Variants in SYTL2 observed in about 807,000 individuals in gnomAD.
SYTL2 encodes the protein synaptotagmin-like protein 2.
Under a neutral mutation model 198.7 loss-of-function variants are expected in SYTL2, and 165 were observed. The ratio of observed to expected loss-of-function variants is 0.83; its 90% confidence interval spans 0.73 to 0.94. The LOEUF (loss-of-function observed/expected upper bound fraction) is 0.94. Among genes scored for constraint, SYTL2 ranks in the 40% least tolerant of loss-of-function variants. SYTL2 has a pLI of 0.00. For synonymous variants in SYTL2, 966 were observed against 917.7 expected (o/e 1.05, Z -0.95); for missense variants, 2,835 against 2,582.8 (o/e 1.10, Z -2.12).
chr11:85,700,587 G>GTGC lies in SYTL2; in HGVS notation c.6193_6195dup (p.Ala2065dup). ...CTGTTTTCTGCTTCAAGGGCAACTGGTGCTGTCTGAAAAGTGAAGAAATGT... is the reference window on the plus strand; with the variant it reads ...CTGTTTTCTGCTTCAAGGGCAACTGGTGCTGCTGTCTGAAAAGTGAAGAAATGT... On this transcript the variant is annotated inframe_insertion, in exon 17 of 20. Coordinates refer to ENST00000359152, the MANE Select transcript of SYTL2 (RefSeq NM_206927.4). 1.2e-6 allele frequency: 2 copies of GTGC among 1,613,828 alleles called. No individual in the cohort carries two copies. The highest frequency in any genetic ancestry group is 1.7e-6 in the Non-Finnish European group (2 of 1,179,744).
rs776360062 is a variant in SYTL2 at position 85,727,278 on chromosome 11, C to T, written c.2080G>A (p.Gly694Ser). The change falls in exon 8 of 20, where the codon GGT becomes AGT. Residue 694 changes from glycine (G) to serine (S), a missense_variant. Gly to Ser is a moderately conservative substitution (Grantham distance 56). This residue lies in a region of SYTL2 where 2,645 missense variants were observed against 2,381.7 expected (regional missense o/e 1.11). Transcript: ENST00000359152. Reference sequence around the variant, plus strand: ...GCATGAAACTTGGGTTCTTCTTCACCCAAGTTGCCAATATTATTAGTGTTG... The same window carrying T: ...GCATGAAACTTGGGTTCTTCTTCACTCAAGTTGCCAATATTATTAGTGTTG... ...PCNTNNIGNL[G>S]EEEPKFHAHE... 93 of 1,534,974 alleles carry T rather than the reference C, an allele frequency of 6.1e-5. No homozygotes were observed. The South Asian group carries it at 1.1e-3, about 18-fold the overall frequency.
chr11:85,778,494 C>A lies in SYTL2; in HGVS notation c.-389-20380G>T, dbSNP rs903586119. 3.3e-5 allele frequency among the ~76,000 whole-genome samples: 5 copies of A among 152,290 alleles called. No individual in the cohort carries two copies. In the South Asian group the frequency reaches 6.2e-4, roughly 19 times the overall value. On this transcript the variant is annotated intron_variant, in intron 1 of 19. Coordinates refer to ENST00000359152, the MANE Select transcript of SYTL2 (RefSeq NM_206927.4). ...CAGTGACCAAAGAGAAGCAGAGCTC[C>A]CAAGTTAGAAAGCAGAACCAGTTCT... is the stretch of plus-strand genomic sequence containing the variant.
At chr11:85,770,403 T>C (rs2092331092) in intron 1 of SYTL2, among the ~76,000 whole-genome samples, 1 of 152,196 alleles carries the variant, frequency 6.6e-6, no homozygotes. Flanking sequence ...CCCTCATTTC[T>C]GTCTACCATA....
At chr11:85,720,780 C>CA (rs2088178150) in intron 9 of SYTL2, 78 bp downstream of exon 9, 1 of 988,178 alleles carries the variant, frequency 1.0e-6, no homozygotes, top group African/African-American at 1.6e-5. Context: ...CAACAGCACG[C>CA]AGTGAGGCTA....
the SYTL2 span, among the ~76,000 whole-genome samples, chr11:85,851,393 C>G: frequency 6.6e-6 from 1 of 152,310 alleles, no homozygotes; most frequent in Admixed American, 6.5e-5. Context: ...CGGGTCTTTA[C>G]AAATTATTGT....
chr11:85,771,735 C>G (rs535012708), intron 1 of SYTL2, among the ~76,000 whole-genome samples: 3 of 152,298 alleles, frequency 2.0e-5, no homozygotes, highest in African/African-American at 7.2e-5. Flanking sequence ...TACCCACTTA[C>G]TAGCTTGGTG....
rs1248725874 is a variant in SYTL2 at position 85,707,426 on chromosome 11, T to C, written c.6018+3A>G. The C allele has an allele frequency of 6.2e-7, 1 of 1,603,512 alleles. No individual in the cohort carries two copies. The highest frequency in any genetic ancestry group is 8.5e-7 in the Non-Finnish European group (1 of 1,170,652). On this transcript the variant is annotated splice_donor_region_variant and intron_variant, in intron 15 of 19. Transcript: ENST00000359152. Reference sequence around the variant, plus strand: ...TTTTCCTATAGAGAGAGTTCATAGATACCCGCAGTATTTCGTTATACACAG... The same window carrying C: ...TTTTCCTATAGAGAGAGTTCATAGACACCCGCAGTATTTCGTTATACACAG...
intron 1 of SYTL2, among the ~76,000 whole-genome samples, chr11:85,799,662 G>C (rs2092855492): frequency 6.6e-6 from 1 of 152,104 alleles, no homozygotes; most frequent in South Asian, 2.1e-4. Context: ...TTGACCTTCT[G>C]ATTCTTATTC....
chr11:85,843,444 G>A, the SYTL2 span, among the ~76,000 whole-genome samples: 2 of 152,254 alleles, frequency 1.3e-5, no homozygotes, highest in South Asian at 4.2e-4. Context: ...AGTGGAGGCT[G>A]GTGTCATTTA....
At chr11:85,829,412 A>G in the SYTL2 span, among the ~76,000 whole-genome samples, 1 of 152,158 alleles carries the variant, frequency 6.6e-6, no homozygotes, top group African/African-American at 2.4e-5. Context: ...GTAGTATTCC[A>G]TGGTGTATAT....
At chr11:85,788,325 G>A (rs139401508) in intron 1 of SYTL2, among the ~76,000 whole-genome samples, 139 of 152,194 alleles carry the variant, frequency 9.1e-4, no homozygotes, top group Non-Finnish European at 1.6e-3. Flanking sequence ...TTCAGTCTTC[G>A]CAACAAGTTT....
chr11:85,705,146 G>C, intron 15 of SYTL2, 118 bp from the exon 16 acceptor site: 2 of 673,252 alleles, frequency 3.0e-6, no homozygotes, highest in African/African-American at 3.6e-5. Flanking sequence ...GTTAGGTTTC[G>C]AGTCCCAAAA....
In SYTL2 at chr11:85,725,697, T is replaced by C. The variant is rs757870429; in HGVS notation, c.3661A>G (p.Thr1221Ala). 6.2e-7 allele frequency: 1 copy of C among 1,614,098 alleles called. No homozygotes were observed. The highest frequency in any genetic ancestry group is 8.5e-7 in the Non-Finnish European group (1 of 1,180,000). ...TGCAAGGGAGAGGGTGAAGTTCCAG[T>C]TGCTTCCTTCAGGAGTTTGTCTAGA... ...ASLDKLLKEA[T>A]GTSPSPLQAK... The change falls in exon 8 of 20, where the codon ACT (threonine) becomes GCT (alanine). Residue 1221 changes from threonine (T) to alanine (A), a missense_variant. Transcript: ENST00000359152.
chr11:85,711,280 C>A, intron 12 of SYTL2, 48 bp from the exon 13 acceptor site: 1 of 1,589,364 alleles, frequency 6.3e-7, no homozygotes, highest in South Asian at 1.1e-5. Flanking sequence ...CAGAATGAGT[C>A]AAGATCAGAA....
In SYTL2 at chr11:85,707,542, G is replaced by T. The variant is rs535220094; in HGVS notation, c.5916-11C>A. 3.4e-6 allele frequency: 5 copies of T among 1,475,266 alleles called. No homozygotes were observed. The South Asian group carries it at 5.8e-5, about 17-fold the overall frequency. The allele number at this position is 1,475,266 out of a possible 1,614,324, so 91.4% of individuals were successfully genotyped here. The stretch of plus-strand genomic sequence containing the variant: ...TAGGCCTTTACATATCTGAAAAGGA[G>T]AATTGAACAGACAAAGTCAAAGAAA... On this transcript the variant is annotated splice_polypyrimidine_tract_variant and intron_variant, in intron 14 of 19. Coordinates refer to ENST00000359152, the MANE Select transcript of SYTL2 (RefSeq NM_206927.4).
intron 7 of SYTL2, among the ~76,000 whole-genome samples, chr11:85,729,833 AATAG>A (rs202145490): frequency 0.014 from 2,109 of 152,320 alleles, 29 homozygotes; most frequent in Non-Finnish European, 0.022. Context: ...AGATCAATAA[AATAG>A]ATAGACCATT....
intron 14 of SYTL2, chr11:85,708,153 CAAAAAAAAAAAA>C: frequency 3.0e-6 from 1 of 338,944 alleles, no homozygotes; most frequent in Non-Finnish European, 5.7e-6. Flanking sequence ...AACTCCACCT[CAAAAAAAAAAAA>C]GAAAAAAAGA....
the SYTL2 span, among the ~76,000 whole-genome samples, chr11:85,849,364 C>A: frequency 1.3e-5 from 2 of 152,070 alleles, no homozygotes; most frequent in African/African-American, 4.8e-5. Flanking sequence ...AAGTCCTTGC[C>A]CATGCCTGTG....
intron 4 of SYTL2, among the ~76,000 whole-genome samples, chr11:85,740,744 A>G (rs1315179025): frequency 1.3e-5 from 2 of 152,244 alleles, no homozygotes; most frequent in African/African-American, 4.8e-5. Context: ...TAGAAGCAGC[A>G]CTCAGACAGA....
Sources: gnomAD v4.1 joint callset for allele counts (sites outside exome capture counted in the v4.1 genomes callset) on GRCh38, gnomAD v4.1.1 for gene constraint, gnomAD v4.1.1 regional missense constraint, MANE v1.5 for transcripts, NCBI Gene and HGNC (gene_info 2026-07-23, HGNC 2026-07-21) for gene names.